Variants in PDE10A observed in about 807,000 individuals in gnomAD.
PDE10A encodes cAMP and cAMP-inhibited cGMP 3',5'-cyclic phosphodiesterase 10A.
A neutral mutation model predicts 97.7 loss-of-function variants in PDE10A; 39 were observed. That is an observed-to-expected ratio of 0.40 (90% CI 0.31 to 0.52). The LOEUF is 0.52. Ranked by LOEUF, PDE10A falls within the 20% of genes least tolerant of loss-of-function variation. The pLI, the probability that PDE10A is intolerant of heterozygous loss-of-function variation, is 0.56. For synonymous variants in PDE10A, 371 were observed against 376.8 expected (o/e 0.98, Z 0.18); for missense variants, 731 against 1,047.8 (o/e 0.70, Z 4.17).
Position 165,327,353 on chromosome 6 carries a change from C to T in PDE10A, c.*5672G>A, listed in dbSNP as rs547159085. ...ATATCCATTAAAATTATGAACATTT[C>T]TAAATATATTTCATGTATCATACAT... On this transcript the variant is annotated 3_prime_UTR_variant, in exon 22 of 22. Coordinates refer to ENST00000539869, the MANE Select transcript of PDE10A (RefSeq NM_001385079.1). The T allele has an allele frequency of 6.6e-6, 1 of 152,232 alleles. No homozygotes were observed. Among genetic ancestry groups the T allele is most frequent in the South Asian group, 2.1e-4 (1 of 4,816 alleles). The allele number at this position is 152,232 out of a possible 1,614,324, so 9.4% of individuals were successfully genotyped here. A position where few individuals can be genotyped will look rare whatever the true frequency, so the allele number is the denominator to read the frequency against.
At chr6:165,691,583 ACGCGCG>A (rs370669081) in intron 1 of PDE10A, among the ~76,000 whole-genome samples, 10 of 144,782 alleles carry the variant, frequency 6.9e-5, no homozygotes, top group South Asian at 6.5e-4. Flanking sequence ...GCACGCATGC[ACGCGCG>A]CGCACACACA....
At chr6:165,748,000 A>G (rs892965845) in intron 1 of PDE10A, among the ~76,000 whole-genome samples, 3 of 152,170 alleles carry the variant, frequency 2.0e-5, no homozygotes, top group Non-Finnish European at 4.4e-5. Context: ...GCCGCAGCCA[A>G]TAGCCCCAAT....
intron 18 of PDE10A, among the ~76,000 whole-genome samples, chr6:165,356,394 T>C (rs1283883279): frequency 2.6e-5 from 4 of 152,188 alleles, no homozygotes; most frequent in East Asian, 3.8e-4. Flanking sequence ...ATCTTTCATA[T>C]AATTTTTTTC....
chr6:165,375,217 A>G (rs947255944), intron 18 of PDE10A, among the ~76,000 whole-genome samples: 4 of 152,236 alleles, frequency 2.6e-5, no homozygotes, highest in Non-Finnish European at 5.9e-5. Context: ...TTAGGAAGGC[A>G]CATCTAAAGC....
In PDE10A at chr6:165,917,509, C is replaced by T. The variant is rs115777255; in HGVS notation, c.-615+70020G>A. Among the ~76,000 whole-genome samples, 1,267 of 152,258 alleles carry T rather than the reference C, an allele frequency of 8.3e-3. 13 individuals carry two copies. Among genetic ancestry groups the T allele is most frequent in the African/African-American group, 0.027 (1,129 of 41,546 alleles). On this transcript the variant is annotated intron_variant, in intron 1 of 19. Coordinates refer to the PDE10A transcript ENST00000366882. ...GAAAATGCCCCACGCCTCAGGGGTG[C>T]CGAAATGGACACTTTACTTCTAAGT...
rs974945535 is a variant in PDE10A at position 165,371,536 on chromosome 6, T to G, written c.2783+7658A>C. The stretch of plus-strand genomic sequence containing the variant: ...TCCCAAGACTAAACCAGGAAGAAGT[T>G]GAATCTCTGAATAGACCAATAACAG... On this transcript the variant is annotated intron_variant, in intron 18 of 21. Coordinates refer to ENST00000539869, the MANE Select transcript of PDE10A (RefSeq NM_001385079.1). 3.9e-5 allele frequency among the ~76,000 whole-genome samples: 6 copies of G among 151,976 alleles called. No homozygotes were observed. In the South Asian group the frequency reaches 8.3e-4, roughly 21 times the overall value.
chr6:165,927,873 T>G (rs1782992831), intron 1 of PDE10A, among the ~76,000 whole-genome samples: 1 of 150,034 alleles, frequency 6.7e-6, no homozygotes, highest in South Asian at 2.1e-4. Flanking sequence ...ATTTTTAAAT[T>G]TTTAGTAGAG....
At chr6:165,533,889 C>G (rs949151847) in intron 2 of PDE10A, among the ~76,000 whole-genome samples, 1 of 152,036 alleles carries the variant, frequency 6.6e-6, no homozygotes, top group Non-Finnish European at 1.5e-5. Context: ...TAACATTATT[C>G]GTGATAATAT....
chr6:165,387,341 G>C (rs914727474), intron 17 of PDE10A, among the ~76,000 whole-genome samples: 6 of 152,258 alleles, frequency 3.9e-5, no homozygotes, highest in South Asian at 4.2e-4. Context: ...CAGTTTTGCT[G>C]GGTTTTAAAA....
At chr6:165,513,320 G>A (rs1481985881) in intron 2 of PDE10A, among the ~76,000 whole-genome samples, 1 of 151,856 alleles carries the variant, frequency 6.6e-6, no homozygotes, top group Non-Finnish European at 1.5e-5. Flanking sequence ...CAGTTGTTTT[G>A]GCATCTTTGT....
At chr6:165,905,241 A>T (rs980247312) in intron 1 of PDE10A, among the ~76,000 whole-genome samples, 2 of 152,192 alleles carry the variant, frequency 1.3e-5, no homozygotes, top group Non-Finnish European at 2.9e-5. Context: ...TTTACTTCAA[A>T]TATTGGAGAA....
At chr6:165,727,014 G>T (rs1041976017) in intron 1 of PDE10A, among the ~76,000 whole-genome samples, 1 of 148,230 alleles carries the variant, frequency 6.7e-6, no homozygotes, top group South Asian at 2.1e-4. Context: ...TCGCGTGGGG[G>T]GTTCCCCTGG....
chr6:165,716,928 C>T (rs942545615), intron 1 of PDE10A, among the ~76,000 whole-genome samples: 1 of 152,166 alleles, frequency 6.6e-6, no homozygotes, highest in African/African-American at 2.4e-5. Context: ...CCGTCACCAC[C>T]GTCCATCTCC....
chr6:165,749,236 ACCATC>A (rs1792918370), intron 1 of PDE10A, among the ~76,000 whole-genome samples: 1 of 144,068 alleles, frequency 6.9e-6, no homozygotes, highest in Non-Finnish European at 1.5e-5. Context: ...CACCATCACC[ACCATC>A]ACATCACCAT....
At chr6:165,593,242 T>G (rs1182358538) in intron 1 of PDE10A, among the ~76,000 whole-genome samples, 1 of 152,076 alleles carries the variant, frequency 6.6e-6, no homozygotes, top group African/African-American at 2.4e-5. Context: ...AGGTGGGAAC[T>G]GAACAATGAG....
At chr6:165,509,335 G>A (rs1034971629) in intron 2 of PDE10A, among the ~76,000 whole-genome samples, 3 of 151,850 alleles carry the variant, frequency 2.0e-5, no homozygotes, top group Non-Finnish European at 4.4e-5. Context: ...TATTGAAGAC[G>A]GTTGTCCTTT....
chr6:165,400,300 C>A (rs533593001), intron 13 of PDE10A, among the ~76,000 whole-genome samples: 14 of 150,896 alleles, frequency 9.3e-5, no homozygotes, highest in African/African-American at 3.4e-4. Flanking sequence ...TTCTTCAATA[C>A]AATGTTAAAC....
intron 1 of PDE10A, among the ~76,000 whole-genome samples, chr6:165,882,205 G>T (rs1007338861): frequency 6.6e-6 from 1 of 152,146 alleles, no homozygotes; most frequent in African/African-American, 2.4e-5. Context: ...TCTCATGGTC[G>T]CATGACCCAT....
intron 2 of PDE10A, among the ~76,000 whole-genome samples, chr6:165,538,242 T>C (rs1224004060): frequency 6.6e-6 from 1 of 152,010 alleles, no homozygotes; most frequent in African/African-American, 2.4e-5. Flanking sequence ...AACTACATTA[T>C]TTGAGAAAAA....
Sources: gnomAD v4.1 joint callset for allele counts (sites outside exome capture counted in the v4.1 genomes callset) on GRCh38, gnomAD v4.1.1 for gene constraint, MANE v1.5 for transcripts, NCBI Gene and HGNC (gene_info 2026-07-23, HGNC 2026-07-21) for gene names.